AP2B1: variants seen among roughly 807,000 people sequenced by gnomAD.
The protein encoded by AP2B1 is AP-2 complex subunit beta.
AP2B1 carries 23 observed loss-of-function variants against 102.0 expected under a neutral mutation model. The observed-to-expected ratio is 0.23, with a 90% CI of 0.16 to 0.32. The LOEUF (loss-of-function observed/expected upper bound fraction) is 0.32. Among genes scored for constraint, AP2B1 ranks in the 10% least tolerant of loss-of-function variants. The pLI is 1.00. For missense variants in AP2B1, 541 were observed against 1,157.4 expected, an observed-to-expected ratio of 0.47 and a Z score of 7.73; for synonymous variants, 381 against 421.2, an observed-to-expected ratio of 0.90 and a Z score of 1.17.
At chr17:35,618,446 C>T (rs1433007810) in intron 5 of AP2B1, among the ~76,000 whole-genome samples, 2 of 152,186 alleles carry the variant, frequency 1.3e-5, no homozygotes, top group Non-Finnish European at 2.9e-5. Context: ...AGCAGAAAAA[C>T]TGAAGCATAA....
chr17:35,670,752 A>G (rs931619756), intron 14 of AP2B1, 105 bp from the exon 15 acceptor site: 1 of 1,200,888 alleles, frequency 8.3e-7, no homozygotes, highest in Non-Finnish European at 1.2e-6. Context: ...AATGGCATGT[A>G]TTTCCAGCAA....
chr17:35,613,478 A>T (rs1201795636), intron 5 of AP2B1, among the ~76,000 whole-genome samples: 1 of 152,132 alleles, frequency 6.6e-6, no homozygotes, highest in Non-Finnish European at 1.5e-5. Flanking sequence ...AGTTTAGTTG[A>T]AGCTAACTTT....
At chr17:35,634,933 TCTTA>T (rs1429628778) in intron 9 of AP2B1, among the ~76,000 whole-genome samples, 2 of 152,340 alleles carry the variant, frequency 1.3e-5, no homozygotes, top group South Asian at 4.1e-4. Flanking sequence ...GGCTTATTCT[TCTTA>T]CTTCTATCTC....
intron 14 of AP2B1, among the ~76,000 whole-genome samples, chr17:35,665,211 T>C (rs375028326): frequency 3.1e-4 from 45 of 146,856 alleles, no homozygotes; most frequent in African/African-American, 1.1e-3. Context: ...ACTGCAGCCT[T>C]GACCTCCCTG....
intron 18 of AP2B1, among the ~76,000 whole-genome samples, chr17:35,705,314 G>A (rs1390526343): frequency 2.0e-5 from 3 of 152,156 alleles, no homozygotes; most frequent in African/African-American, 7.2e-5. Flanking sequence ...ATAAAGAGAT[G>A]ACAATTTACC....
intron 12 of AP2B1, among the ~76,000 whole-genome samples, chr17:35,649,769 G>A (rs374502753): frequency 3.0e-4 from 45 of 152,052 alleles, no homozygotes; most frequent in African/African-American, 1.1e-3. Context: ...TAACACATTT[G>A]TTTGCTTTTT....
Position 35,650,797 on chromosome 17 carries a change from G to A in AP2B1, c.1796+8G>A, listed in dbSNP as rs1417412459. 1 of 1,612,958 alleles carries A rather than the reference G, an allele frequency of 6.2e-7. No homozygotes were observed. The highest frequency in any genetic ancestry group is 1.1e-5 in the South Asian group (1 of 91,042). On this transcript the variant is annotated splice_region_variant and intron_variant, in intron 13 of 21. Transcript: ENST00000610402. ...GCCAATTCATCATGGGAGGTAAGAAGGTGTGAACTGTCTCTGAGTGAGAAA... is the reference window on the plus strand; with the variant it reads ...GCCAATTCATCATGGGAGGTAAGAAAGTGTGAACTGTCTCTGAGTGAGAAA...
intron 5 of AP2B1, among the ~76,000 whole-genome samples, chr17:35,611,024 A>G (rs2142432327): frequency 6.6e-6 from 1 of 152,260 alleles, no homozygotes; most frequent in South Asian, 2.1e-4. Context: ...GTAGTGAGCT[A>G]TGATTGCACC....
intron 18 of AP2B1, among the ~76,000 whole-genome samples, chr17:35,696,211 T>G (rs2076138707): frequency 6.6e-6 from 1 of 152,164 alleles, no homozygotes; most frequent in Non-Finnish European, 1.5e-5. Flanking sequence ...TCATGACCTT[T>G]TAATTGACTA....
chr17:35,628,407 C>T (rs2074373448), intron 9 of AP2B1, among the ~76,000 whole-genome samples: 1 of 152,062 alleles, frequency 6.6e-6, no homozygotes, highest in African/African-American at 2.4e-5. Flanking sequence ...TTTGAGACCA[C>T]CCTAGGCAAC....
chr17:35,710,670 T>G (rs1297637834), intron 20 of AP2B1, among the ~76,000 whole-genome samples: 4 of 152,228 alleles, frequency 2.6e-5, no homozygotes, highest in Non-Finnish European at 5.9e-5. Context: ...AAGGACCATT[T>G]TCTTCTTTTA....
chr17:35,701,015 C>G (rs1450881815), intron 18 of AP2B1, among the ~76,000 whole-genome samples: 1 of 152,222 alleles, frequency 6.6e-6, no homozygotes, highest in African/African-American at 2.4e-5. Flanking sequence ...CATCTGTGAT[C>G]TGCTTTGGGC....
chr17:35,712,446 G>A (rs1414758745), intron 20 of AP2B1, among the ~76,000 whole-genome samples: 1 of 152,118 alleles, frequency 6.6e-6, no homozygotes, highest in Non-Finnish European at 1.5e-5. Context: ...GGCTAACATG[G>A]TGAAACCCTG....
chr17:35,646,459 G>A lies in AP2B1; in HGVS notation c.1537-4071G>A, dbSNP rs2074936255. Among the ~76,000 whole-genome samples, 3 of 151,948 alleles carry A rather than the reference G, an allele frequency of 2.0e-5. No individual in the cohort carries two copies. In the South Asian group the frequency reaches 6.2e-4, roughly 32 times the overall value. On this transcript the variant is annotated intron_variant, in intron 12 of 21. Transcript: ENST00000610402. ...GGAGATTTGCACTCATTTCTCATAG[G>A]ATTGTATTTTTCAAGTTAGTGTCTG...
rs1048207211 is a variant in AP2B1 at position 35,671,637 on chromosome 17, G to C, written c.2032-117G>C. 2.5e-5 allele frequency: 26 copies of C among 1,022,830 alleles called. No individual in the cohort carries two copies. The African/African-American group carries it at 3.2e-4, about 13-fold the overall frequency. The allele number at this position is 1,022,830 out of a possible 1,614,324, so 63.4% of individuals were successfully genotyped here. On this transcript the variant is annotated intron_variant, in intron 15 of 21. Transcript: ENST00000610402. ...TACTAATTTGACTCCTAAGAATATT[G>C]TAATTATGGTGTTTTCTTATTGATT...
chr17:35,717,408 A>G (rs1458697744), intron 21 of AP2B1, 59 bp downstream of exon 21: 1 of 1,590,840 alleles, frequency 6.3e-7, no homozygotes, highest in Non-Finnish European at 8.6e-7. Flanking sequence ...GAGCCCTTTC[A>G]TGTTTACTTA....
chr17:35,594,539 T>G (rs1242000149), intron 2 of AP2B1, among the ~76,000 whole-genome samples: 3 of 152,250 alleles, frequency 2.0e-5, no homozygotes, highest in Non-Finnish European at 4.4e-5. Flanking sequence ...TCTTTTTCTC[T>G]GCATATGAGT....
intron 2 of AP2B1, among the ~76,000 whole-genome samples, chr17:35,595,538 C>A (rs1368884043): frequency 6.6e-6 from 1 of 151,914 alleles, no homozygotes; most frequent in Non-Finnish European, 1.5e-5. Flanking sequence ...CAGAGAGAGA[C>A]CCTGTCTCAA....
At chr17:35,712,013 G>A (rs112858611) in intron 20 of AP2B1, among the ~76,000 whole-genome samples, 3,239 of 152,306 alleles carry the variant, frequency 0.021, 121 homozygotes, top group African/African-American at 0.07. Context: ...TCAGGCAGAT[G>A]TTTGCCTCTG....
Sources: allele counts gnomAD v4.1 joint callset (sites outside exome capture counted in the v4.1 genomes callset), GRCh38; gene constraint gnomAD v4.1.1; transcripts MANE v1.5; gene names NCBI Gene and HGNC (gene_info 2026-07-23, HGNC 2026-07-21).